The following ESR1 variants were observed in gnomAD, a reference collection of about 807,000 sequenced individuals.
ESR1 encodes estrogen receptor 1.
ESR1 carries 12 observed loss-of-function variants against 52.7 expected under a neutral mutation model. The ratio of observed to expected loss-of-function variants is 0.23; its 90% CI spans 0.15 to 0.37. The LOEUF (loss-of-function observed/expected upper bound fraction) is 0.37. ESR1 is among the 10% of genes least tolerant of loss of function. The probability of loss-of-function intolerance (pLI) is 1.00; values close to 1 mark genes in which losing one functional copy is unlikely to be tolerated. For synonymous variants in ESR1, 305 were observed against 316.8 expected (o/e 0.96, Z 0.39); for missense variants, 584 against 779.7 (o/e 0.75, Z 2.99).
chr6:152,100,348 C>A lies in ESR1; in HGVS notation c.*1382C>A. 2.7e-6 allele frequency: 1 copy of A among 364,042 alleles called. No individual in the cohort carries two copies. The highest frequency in any genetic ancestry group is 4.9e-6 in the Non-Finnish European group (1 of 204,018). The allele number at this position is 364,042 out of a possible 1,614,324, so 22.6% of individuals were successfully genotyped here. A position where few individuals can be genotyped will look rare whatever the true frequency, so the allele number is the denominator to read the frequency against. ...GGGGCCTGGTCAGATTACGTATGCC[C>A]TTGGTGGTTTAGAGATAATCCAAAA... is the stretch of plus-strand genomic sequence containing the variant. On this transcript the variant is annotated 3_prime_UTR_variant, in exon 8 of 8. Transcript: ENST00000206249.
At chr6:151,779,899 C>CA (rs1192077755) in intron 2 of ESR1, among the ~76,000 whole-genome samples, 5,598 of 42,782 alleles carry the variant, frequency 0.13, 252 homozygotes, top group South Asian at 0.18. Flanking sequence ...GACTCCGTCT[C>CA]AAAAAAAAAA....
At chr6:151,839,147 A>G (rs1170309624) in intron 1 of ESR1, among the ~76,000 whole-genome samples, 1 of 152,174 alleles carries the variant, frequency 6.6e-6, no homozygotes, top group Non-Finnish European at 1.5e-5. Flanking sequence ...ATGAGAATTA[A>G]TCAATTGAAG....
At position 152,125,620 on chromosome 6, in the gene ESR1, G is replaced by A. The variant is rs1585423603; in HGVS notation, c.*272G>A. On this transcript the variant is annotated 3_prime_UTR_variant, in exon 7 of 7. Coordinates refer to the ESR1 transcript ENST00000427531. ...CCCTGGCAACCAACACTCAACACCT[G>A]TAGCTAGATGAGTTATAACAGAGTG... The A allele has an allele frequency of 2.5e-5, 9 of 356,436 alleles. No homozygotes were observed. The East Asian group carries it at 3.9e-4, about 15-fold the overall frequency. The allele number at this position is 356,436 out of a possible 1,614,324, so 22.1% of individuals were successfully genotyped here. A position where few individuals can be genotyped will look rare whatever the true frequency, so the allele number is the denominator to read the frequency against.
chr6:151,802,796 C>G (rs578130981), upstream of ESR1, among the ~76,000 whole-genome samples: 4 of 152,140 alleles, frequency 2.6e-5, no homozygotes, highest in Admixed American at 6.5e-5. Flanking sequence ...CAGGACCAGC[C>G]TGGCCAACAT....
At chr6:152,113,647 A>G (rs952678256) in intron 6 of ESR1, among the ~76,000 whole-genome samples, 2 of 152,178 alleles carry the variant, frequency 1.3e-5, no homozygotes, top group Non-Finnish European at 2.9e-5. Context: ...TAACAATTTT[A>G]AGAGACTTTC....
intron 2 of ESR1, among the ~76,000 whole-genome samples, chr6:151,761,606 C>T (rs757317558): frequency 5.3e-5 from 8 of 152,298 alleles, no homozygotes; most frequent in African/African-American, 1.7e-4. Context: ...ATCCCTTTAA[C>T]GTTGCAGTGA....
At chr6:151,977,197 A>G (rs959721085) in intron 4 of ESR1, among the ~76,000 whole-genome samples, 2 of 152,186 alleles carry the variant, frequency 1.3e-5, no homozygotes, top group African/African-American at 2.4e-5. Flanking sequence ...TTAAGTTTCC[A>G]TTTTGACTGG....
intron 2 of ESR1, among the ~76,000 whole-genome samples, chr6:151,755,230 A>G (rs1010995335): frequency 6.7e-6 from 1 of 149,184 alleles, no homozygotes; most frequent in Non-Finnish European, 1.5e-5. Flanking sequence ...AACAAAAACC[A>G]AAACCAAAAC....
intron 3 of ESR1, among the ~76,000 whole-genome samples, chr6:151,890,468 G>C (rs1794540412): frequency 6.6e-6 from 1 of 152,122 alleles, no homozygotes; most frequent in Admixed American, 6.5e-5. Context: ...GTTGCTGTTG[G>C]ATGAAATATT....
upstream of ESR1, chr6:151,804,570 A>C (rs1777591015): frequency 6.6e-6 from 1 of 152,094 alleles, no homozygotes; most frequent in Admixed American, 6.5e-5. Flanking sequence ...CCTGTGCTCA[A>C]ACACTGCAAT....
chr6:151,978,627 A>G (rs575314750), intron 4 of ESR1, among the ~76,000 whole-genome samples: 1 of 152,258 alleles, frequency 6.6e-6, no homozygotes, highest in African/African-American at 2.4e-5. Context: ...AGCCAGAGAG[A>G]AAAGGTCTAT....
chr6:152,127,778 AT>A (rs1167353762), exon 7 of ESR1: 1 of 152,220 alleles, frequency 6.6e-6, no homozygotes, highest in East Asian at 1.9e-4. Context: ...TTCAAAACAA[AT>A]TCTACAAGAA....
Position 151,734,625 on chromosome 6 carries a change from T to C in ESR1, c.-71+32620T>C, listed in dbSNP as rs576717730. On this transcript the variant is annotated intron_variant, in intron 2 of 2. Coordinates refer to the ESR1 transcript ENST00000404742. ...CCCTGTATAAGGGCAAAGCTAACCT[T>C]TTTTTTTTCTTTTCATTGAGACAGT... 4.9e-3 allele frequency among the ~76,000 whole-genome samples: 744 copies of C among 151,224 alleles called. 5 individuals are homozygous for C. Among genetic ancestry groups the C allele is most frequent in the African/African-American group, 0.016 (669 of 41,246 alleles).
chr6:151,843,652 C>T (rs1784650401), intron 2 of ESR1, among the ~76,000 whole-genome samples: 1 of 152,104 alleles, frequency 6.6e-6, no homozygotes. Context: ...TTTCTCTCTT[C>T]TTATTCTTTA....
chr6:151,998,373 T>C (rs913416366), intron 4 of ESR1, among the ~76,000 whole-genome samples: 3 of 152,150 alleles, frequency 2.0e-5, no homozygotes, highest in Non-Finnish European at 4.4e-5. Context: ...TATTTCTTTT[T>C]TTTTTCTGTT....
chr6:151,923,997 T>C (rs2032204770), intron 3 of ESR1, among the ~76,000 whole-genome samples: 1 of 152,208 alleles, frequency 6.6e-6, no homozygotes, highest in Non-Finnish European at 1.5e-5. Context: ...TTTTGGATTT[T>C]AACTATTGTA....
intron 5 of ESR1, among the ~76,000 whole-genome samples, chr6:152,030,982 A>G (rs1180109299): frequency 2.0e-5 from 3 of 152,152 alleles, no homozygotes; most frequent in Non-Finnish European, 4.4e-5. Context: ...GGATTAAGAA[A>G]CTCACTCAAA....
intron 1 of ESR1, among the ~76,000 whole-genome samples, chr6:151,698,900 C>T (rs540776100): frequency 7.9e-5 from 12 of 152,280 alleles, no homozygotes; most frequent in Non-Finnish European, 1.8e-4. Context: ...TCCTATTCCT[C>T]CGGATCACTC....
intron 1 of ESR1, among the ~76,000 whole-genome samples, chr6:151,812,487 A>G (rs76067764): frequency 0.031 from 4,677 of 152,274 alleles, 114 homozygotes; most frequent in Non-Finnish European, 0.048. Context: ...TTTTACAGAT[A>G]CATTAAAGAA....
Sources: allele counts gnomAD v4.1 joint callset (sites outside exome capture counted in the v4.1 genomes callset), GRCh38; gene constraint gnomAD v4.1.1; transcripts MANE v1.5; gene names NCBI Gene and HGNC (gene_info 2026-07-23, HGNC 2026-07-21).